SCRN3: variants seen among roughly 807,000 people sequenced by gnomAD.
The protein encoded by SCRN3 is secernin-3.
A neutral mutation model predicts 43.1 loss-of-function variants in SCRN3; 39 were observed. The observed-to-expected ratio is 0.91, with a 90% CI of 0.70 to 1.18. The LOEUF (loss-of-function observed/expected upper bound fraction) is 1.18, where lower values mean the gene tolerates loss of function less well. Among genes scored for constraint, SCRN3 ranks in the 50% most tolerant of loss-of-function variants. SCRN3 has a pLI of 0.00. For missense variants in SCRN3, 484 were observed against 498.0 expected, an observed-to-expected ratio of 0.97 and a Z score of 0.27; for synonymous variants, 147 against 163.1, an observed-to-expected ratio of 0.90 and a Z score of 0.75.
chr2:174,400,470 ATT>A (rs557595956), intron 3 of SCRN3, among the ~76,000 whole-genome samples: 1 of 151,136 alleles, frequency 6.6e-6, no homozygotes, highest in Admixed American at 6.6e-5. Flanking sequence ...ATTAAAAAAA[ATT>A]TTTTTTTCAG....
chr2:174,425,593 TC>T (rs1287095854), intron 7 of SCRN3, among the ~76,000 whole-genome samples: 1 of 152,196 alleles, frequency 6.6e-6, no homozygotes, highest in Non-Finnish European at 1.5e-5. Flanking sequence ...TGCCTTTTTT[TC>T]TCTCACCTAT....
intron 5 of SCRN3, among the ~76,000 whole-genome samples, chr2:174,416,859 C>T (rs1450814246): frequency 6.6e-6 from 1 of 152,086 alleles, no homozygotes; most frequent in Non-Finnish European, 1.5e-5. Context: ...GGTGCTAATA[C>T]AGCTATTTAA....
chr2:174,399,765 G>T (rs1685437873), intron 2 of SCRN3, among the ~76,000 whole-genome samples, 157 bp from the exon 3 acceptor site: 1 of 152,064 alleles, frequency 6.6e-6, no homozygotes, highest in African/African-American at 2.4e-5. Flanking sequence ...TGTTTTAAGG[G>T]TAATGCCTTT....
intron 5 of SCRN3, among the ~76,000 whole-genome samples, chr2:174,421,441 C>A (rs1489064583): frequency 6.6e-6 from 1 of 152,158 alleles, no homozygotes; most frequent in Non-Finnish European, 1.5e-5. Flanking sequence ...TGCTTAAAGT[C>A]TATTGTGCAT....
At chr2:174,406,908 G>T (rs1261008027) in intron 5 of SCRN3, among the ~76,000 whole-genome samples, 1 of 124,770 alleles carries the variant, frequency 8.0e-6, no homozygotes, top group Admixed American at 8.1e-5. Flanking sequence ...AAGGATATTG[G>T]TCTAAAATTC....
chr2:174,429,436 C>T lies in SCRN3; in HGVS notation c.*1541C>T, dbSNP rs1686588914. 1 of 152,140 alleles carries T rather than the reference C, an allele frequency of 6.6e-6. No individual in the cohort carries two copies. The highest frequency in any genetic ancestry group is 2.4e-5 in the African/African-American group (1 of 41,406). The allele number at this position is 152,140 out of a possible 1,614,324, so 9.4% of individuals were successfully genotyped here. On this transcript the variant is annotated 3_prime_UTR_variant, in exon 8 of 8. Transcript: ENST00000272732. ...ACAAATTTAAATCTGATTATGAATT[C>T]CCCTCCTAAAACTCTTTTTTAAAAG...
chr2:174,408,668 G>A (rs1385532610), intron 5 of SCRN3, among the ~76,000 whole-genome samples: 2 of 140,102 alleles, frequency 1.4e-5, no homozygotes, highest in African/African-American at 2.6e-5. Context: ...TGACAAAATC[G>A]GTCAGCATTT....
At chr2:174,417,303 A>G (rs1382276960) in intron 5 of SCRN3, among the ~76,000 whole-genome samples, 1 of 152,176 alleles carries the variant, frequency 6.6e-6, no homozygotes, top group Non-Finnish European at 1.5e-5. Context: ...AGAAAAAAAA[A>G]GTAGATCAGG....
In SCRN3 at chr2:174,400,156, T is replaced by C. The variant is rs1685457731; in HGVS notation, c.341+53T>C. On this transcript the variant is annotated intron_variant, in intron 3 of 7. Coordinates refer to ENST00000272732, the MANE Select transcript of SCRN3 (RefSeq NM_024583.5). Reference sequence around the variant, plus strand: ...AGACCTTGTCTAAATTTATAATTTTTGTGTAACTCTTACTTGTTTTATTTT... The same window carrying C: ...AGACCTTGTCTAAATTTATAATTTTCGTGTAACTCTTACTTGTTTTATTTT... 8.6e-6 allele frequency: 11 copies of C among 1,276,604 alleles called. No individual in the cohort carries two copies. The South Asian group carries it at 1.6e-4, about 18-fold the overall frequency. The allele number at this position is 1,276,604 out of a possible 1,614,324, so 79.1% of individuals were successfully genotyped here. A position where few individuals can be genotyped will look rare whatever the true frequency, so the allele number is the denominator to read the frequency against.
rs978629522 is a variant in SCRN3 at position 174,427,832 on chromosome 2, T to C, written c.1212T>C (p.Pro404=). 1 of 1,607,248 alleles carries C rather than the reference T, an allele frequency of 6.2e-7. No individual in the cohort carries two copies. The highest frequency in any genetic ancestry group is 1.7e-5 in the Admixed American group (1 of 59,858). ...TGGAGAAAATTGTTAATCTCTTTCC[T>C]CAGTGTACAAAAGATGAAATTCAAA... is the stretch of plus-strand genomic sequence containing the variant. The part of the protein sequence containing the change: ...LDVEKIVNLF[P]QCTKDEIQIY... Residue 404 remains proline (P), a synonymous_variant, in exon 8 of 8, where the codon CCT becomes CCC. Coordinates refer to ENST00000272732, the MANE Select transcript of SCRN3 (RefSeq NM_024583.5).
rs917202407 is a variant in SCRN3, at chr2:174,429,046, A to G, written c.*1151A>G. 2 of 152,188 alleles carry G rather than the reference A, an allele frequency of 1.3e-5. No homozygotes were observed. Among genetic ancestry groups the G allele is most frequent in the African/African-American group, 4.8e-5 (2 of 41,448 alleles). The allele number at this position is 152,188 out of a possible 1,614,324, so 9.4% of individuals were successfully genotyped here. Reference sequence around the variant, plus strand: ...TTATGTGTTCAAAGTTCTCTCATAAATACCATCGTCTGCCTGATACTGCTC... The same window carrying G: ...TTATGTGTTCAAAGTTCTCTCATAAGTACCATCGTCTGCCTGATACTGCTC... On this transcript the variant is annotated 3_prime_UTR_variant, in exon 8 of 8. Coordinates refer to ENST00000272732, the MANE Select transcript of SCRN3 (RefSeq NM_024583.5).
At chr2:174,399,649 A>C (rs1372095077) in intron 2 of SCRN3, among the ~76,000 whole-genome samples, 1 of 152,202 alleles carries the variant, frequency 6.6e-6, no homozygotes, top group Non-Finnish European at 1.5e-5. Flanking sequence ...TGAGATCTTT[A>C]TCTGATTCAT....
chr2:174,413,103 C>T (rs1685983992), intron 5 of SCRN3, among the ~76,000 whole-genome samples: 2 of 151,780 alleles, frequency 1.3e-5, no homozygotes, highest in Non-Finnish European at 2.9e-5. Context: ...AACTCCCGAC[C>T]TCAGGTGATC....
chr2:174,401,209 A>G lies in SCRN3; in HGVS notation c.541+20A>G. 2 of 1,598,748 alleles carry G rather than the reference A, an allele frequency of 1.3e-6. No homozygotes were observed. Among genetic ancestry groups the G allele is most frequent in the Non-Finnish European group, 1.7e-6 (2 of 1,166,792 alleles). On this transcript the variant is annotated intron_variant, in intron 4 of 7. Coordinates refer to ENST00000272732, the MANE Select transcript of SCRN3 (RefSeq NM_024583.5). ...TACAAGGTATGGACAACTTTTTGTG[A>G]TTTAACTTGTTTTTGCAATTAATAA...
In SCRN3 at chr2:174,423,690, T is replaced by C. The variant is rs887402367; in HGVS notation, c.917+643T>C. ...TTCACTGTGTTAGCCAGGATGGTCT[T>C]GATCTCCTGACTTTGTGATCCGCCC... On this transcript the variant is annotated intron_variant, in intron 6 of 7. Transcript: ENST00000272732. 2.4e-4 allele frequency among the ~76,000 whole-genome samples: 36 copies of C among 152,006 alleles called. 1 individual carries two copies. Among genetic ancestry groups the C allele is most frequent in the South Asian group, 6.2e-4 (3 of 4,820 alleles).
chr2:174,427,527 T>G (rs1156978078), intron 7 of SCRN3, among the ~76,000 whole-genome samples, 186 bp from the exon 8 acceptor site: 1 of 152,174 alleles, frequency 6.6e-6, no homozygotes, highest in Non-Finnish European at 1.5e-5. Flanking sequence ...ATGCATTAAC[T>G]CAATCTAGAG....
chr2:174,398,528 G>A, intron 2 of SCRN3, 86 bp downstream of exon 2: 1 of 1,186,528 alleles, frequency 8.4e-7, no homozygotes, highest in Non-Finnish European at 1.2e-6. Context: ...GGAAGAAACT[G>A]TAGAAGTTAA....
chr2:174,404,458 A>ATT, intron 5 of SCRN3, 143 bp downstream of exon 5: 5 of 514,122 alleles, frequency 9.7e-6, no homozygotes, highest in East Asian at 7.5e-5. Context: ...TTATAAACCT[A>ATT]TTTTTTTTTT....
chr2:174,427,895 G>A lies in SCRN3; in HGVS notation c.1275G>A (p.Ter425=). 1 of 1,549,592 alleles carries A rather than the reference G, an allele frequency of 6.5e-7. No individual in the cohort carries two copies. Among genetic ancestry groups the A allele is most frequent in the African/African-American group, 1.3e-5 (1 of 74,292 alleles). Reference sequence around the variant, plus strand: ...ATTTATCAGTCAAAGTTAGTTCTTAGTGATCATATGGTCAGCTAATATTAG... The same window carrying A: ...ATTTATCAGTCAAAGTTAGTTCTTAATGATCATATGGTCAGCTAATATTAG... ...QSNLSVKVSS[*] Residue 425 remains the stop codon, a stop_retained_variant, in exon 8 of 8, where the codon TAG becomes TAA. Transcript: ENST00000272732.
Sources: gnomAD v4.1 joint callset for allele counts (sites outside exome capture counted in the v4.1 genomes callset) on GRCh38, gnomAD v4.1.1 for gene constraint, MANE v1.5 for transcripts, NCBI Gene and HGNC (gene_info 2026-07-23, HGNC 2026-07-21) for gene names.